Variants in TYW1B observed in about 807,000 individuals in gnomAD.
The protein encoded by TYW1B is S-adenosyl-L-methionine-dependent tRNA 4-demethylwyosine synthase TYW1B.
Under a neutral mutation model 86.9 loss-of-function variants are expected in TYW1B, and 73 were observed. The ratio of observed to expected loss-of-function variants is 0.84; its 90% confidence interval spans 0.70 to 1.02. The LOEUF is 1.02. TYW1B is among the 50% of genes least tolerant of loss of function. The probability of loss-of-function intolerance (pLI) is 0.00; values close to 1 mark genes in which losing one functional copy is unlikely to be tolerated. For missense variants in TYW1B, 637 were observed against 827.4 expected (o/e 0.77, Z 2.82); for synonymous variants, 248 against 292.8 (o/e 0.85, Z 1.56).
chr7:72,762,274 T>C (rs1307651863), intron 7 of TYW1B, among the ~76,000 whole-genome samples: 1 of 152,182 alleles, frequency 6.6e-6, no homozygotes, highest in Non-Finnish European at 1.5e-5. Context: ...GTTCTTTCTT[T>C]TTGAAATTTC....
At chr7:72,798,175 G>A (rs1401616169) in intron 6 of TYW1B, among the ~76,000 whole-genome samples, 2 of 151,980 alleles carry the variant, frequency 1.3e-5, no homozygotes, top group African/African-American at 2.4e-5. Flanking sequence ...AGGCCGAGGC[G>A]GGCAGATCAC....
chr7:72,601,450 TG>T (rs1272677737), intron 13 of TYW1B, among the ~76,000 whole-genome samples: 1 of 152,160 alleles, frequency 6.6e-6, no homozygotes, highest in East Asian at 1.9e-4. Context: ...ACAGCTACTT[TG>T]GAAGACAGTT....
At chr7:72,635,663 G>T (rs1374354540) in intron 11 of TYW1B, among the ~76,000 whole-genome samples, 1 of 152,206 alleles carries the variant, frequency 6.6e-6, no homozygotes, top group East Asian at 1.9e-4. Flanking sequence ...GTACATTTTA[G>T]AATCAGCTTA....
chr7:72,690,757 T>TA (rs1814131853), intron 11 of TYW1B, among the ~76,000 whole-genome samples: 1 of 152,232 alleles, frequency 6.6e-6, no homozygotes, highest in African/African-American at 2.4e-5. Flanking sequence ...TATTGTAATA[T>TA]ATTTATTTTG....
At chr7:72,623,460 C>T (rs1483321891) in intron 12 of TYW1B, among the ~76,000 whole-genome samples, 2 of 152,214 alleles carry the variant, frequency 1.3e-5, no homozygotes, top group Admixed American at 1.3e-4. Context: ...ACCAAGCGCA[C>T]GGGTACAGAA....
chr7:72,819,449 T>G (rs1788787322), intron 2 of TYW1B, among the ~76,000 whole-genome samples: 1 of 152,084 alleles, frequency 6.6e-6, no homozygotes, highest in South Asian at 2.1e-4. Flanking sequence ...TTTTATTTTT[T>G]TGAGAGAAGG....
rs151122407 is a variant in TYW1B at position 72,644,543 on chromosome 7, G to A, written c.1507-15546C>T. On this transcript the variant is annotated intron_variant, in intron 11 of 13. Coordinates refer to ENST00000620995, the MANE Select transcript of TYW1B (RefSeq NM_001145440.3). ...AGCCCGGGCGACAGAGTGAGACTCC[G>A]TCTCAATCAATCAATAAATATAAAT... Among the ~76,000 whole-genome samples the A allele has an allele frequency of 6.0e-3, 910 of 152,156 alleles. 11 individuals carry two copies. The highest frequency in any genetic ancestry group is 0.021 in the African/African-American group (863 of 41,502).
intron 7 of TYW1B, among the ~76,000 whole-genome samples, chr7:72,772,864 C>A (rs1787891618): frequency 6.6e-6 from 1 of 152,142 alleles, no homozygotes; most frequent in South Asian, 2.1e-4. Flanking sequence ...GGAGCAATGT[C>A]AATTTGGATT....
intron 8 of TYW1B, among the ~76,000 whole-genome samples, chr7:72,732,738 C>T: frequency 6.6e-6 from 1 of 151,792 alleles, no homozygotes; most frequent in East Asian, 1.9e-4. Context: ...CCCAAAATTA[C>T]TAGAACAGAA....
At chr7:72,713,300 C>CAAAAAAAA (rs71069102) in intron 10 of TYW1B, among the ~76,000 whole-genome samples, 3 of 55,852 alleles carry the variant, frequency 5.4e-5, no homozygotes, top group Non-Finnish European at 9.4e-5. Flanking sequence ...GACTCCAACT[C>CAAAAAAAA]AAAAAAAAAA....
At chr7:72,728,056 T>TAGATGGAAG (rs1369262562) in intron 9 of TYW1B, among the ~76,000 whole-genome samples, 5 of 152,140 alleles carry the variant, frequency 3.3e-5, no homozygotes, top group Admixed American at 6.6e-5. Context: ...TACTGTGCAT[T>TAGATGGAAG]AGATGGAAGA....
At chr7:72,665,060 A>G (rs1813429182) in intron 11 of TYW1B, among the ~76,000 whole-genome samples, 2 of 152,294 alleles carry the variant, frequency 1.3e-5, no homozygotes, top group East Asian at 1.9e-4. Flanking sequence ...CTGCAAGGAC[A>G]CAGCCTGTGG....
chr7:72,752,756 C>CAAACAAAA (rs1338552826), intron 7 of TYW1B, among the ~76,000 whole-genome samples: 8 of 151,572 alleles, frequency 5.3e-5, no homozygotes, highest in East Asian at 3.9e-4. Context: ...AACAAACAAA[C>CAAACAAAA]AAAAAAACCT....
chr7:72,577,823 C>A (rs1172304975), intron 13 of TYW1B, among the ~76,000 whole-genome samples: 1 of 152,228 alleles, frequency 6.6e-6, no homozygotes, highest in African/African-American at 2.4e-5. Flanking sequence ...TCTCACGTGA[C>A]GCCCAAGCTG....
intron 11 of TYW1B, among the ~76,000 whole-genome samples, chr7:72,631,239 G>A (rs1344916155): frequency 6.6e-6 from 1 of 152,054 alleles, no homozygotes; most frequent in African/African-American, 2.4e-5. Flanking sequence ...GGGGCCGGAC[G>A]TGGTGGCTCA....
At chr7:72,781,377 G>A (rs1359794837) in intron 6 of TYW1B, among the ~76,000 whole-genome samples, 1 of 152,052 alleles carries the variant, frequency 6.6e-6, no homozygotes, top group African/African-American at 2.4e-5. Context: ...ACCTCCTGGC[G>A]TCACTTCGTT....
chr7:72,619,067 C>T lies in TYW1B; in HGVS notation c.1618-2228G>A, dbSNP rs1462109302. 5.9e-5 allele frequency among the ~76,000 whole-genome samples: 9 copies of T among 152,152 alleles called. No homozygotes were observed. The South Asian group carries it at 8.3e-4, about 14-fold the overall frequency. ...GATCAAACAGACAACTGCGCATGTC[C>T]GAGGACTTTCCAGATCTCCCCTTTC... is the stretch of plus-strand genomic sequence containing the variant. On this transcript the variant is annotated intron_variant, in intron 12 of 13. Coordinates refer to ENST00000620995, the MANE Select transcript of TYW1B (RefSeq NM_001145440.3).
intron 7 of TYW1B, among the ~76,000 whole-genome samples, chr7:72,753,410 T>A (rs565094277): frequency 6.6e-6 from 1 of 151,818 alleles, no homozygotes; most frequent in South Asian, 2.1e-4. Flanking sequence ...CTGTCAATAT[T>A]AGCATCGCAA....
intron 11 of TYW1B, among the ~76,000 whole-genome samples, chr7:72,684,804 C>T (rs1182706010): frequency 1.3e-5 from 2 of 151,906 alleles, no homozygotes; most frequent in African/African-American, 4.8e-5. Flanking sequence ...AGGGAAGAAT[C>T]AGGATTATTT....
Sources: gnomAD v4.1 joint callset for allele counts (sites outside exome capture counted in the v4.1 genomes callset) on GRCh38, gnomAD v4.1.1 for gene constraint, MANE v1.5 for transcripts, NCBI Gene and HGNC (gene_info 2026-07-23, HGNC 2026-07-21) for gene names.